CARF: variants seen among roughly 807,000 people sequenced by gnomAD.
CARF encodes calcium-responsive transcription factor.
A neutral mutation model predicts 82.0 loss-of-function variants in CARF; 57 were observed. That is an observed-to-expected ratio of 0.70 (90% CI 0.56 to 0.87). The LOEUF (loss-of-function observed/expected upper bound fraction) is 0.87. CARF is among the 40% of genes least tolerant of loss of function. CARF has a pLI of 0.00. For missense variants in CARF, 771 were observed against 855.8 expected (o/e 0.90, Z 1.24); for synonymous variants, 268 against 290.1 (o/e 0.92, Z 0.77).
chr2:202,961,826 T>C (rs2059334730), intron 9 of CARF: 1 of 255,074 alleles, frequency 3.9e-6, no homozygotes, highest in Non-Finnish European at 7.4e-6. Flanking sequence ...TTATGTAGCT[T>C]GTAACTCTGG....
intron 11 of CARF, among the ~76,000 whole-genome samples, chr2:202,970,630 G>A (rs1467987627): frequency 2.6e-5 from 4 of 151,780 alleles, no homozygotes; most frequent in East Asian, 1.9e-4. Flanking sequence ...TATCGTTTTC[G>A]TGTGATCTTT....
chr2:202,945,240 C>T (rs1271281330), intron 5 of CARF, among the ~76,000 whole-genome samples: 1 of 152,092 alleles, frequency 6.6e-6, no homozygotes, highest in Non-Finnish European at 1.5e-5. Context: ...TGTACCTGCA[C>T]GTGCTACAGT....
At chr2:202,915,518 G>T (rs1452297516) in intron 1 of CARF, among the ~76,000 whole-genome samples, 1 of 152,092 alleles carries the variant, frequency 6.6e-6, no homozygotes, top group Non-Finnish European at 1.5e-5. Flanking sequence ...TCACCAGGCT[G>T]GAGTGCAGTG....
At chr2:202,940,607 T>C (rs1380987348) in intron 3 of CARF, among the ~76,000 whole-genome samples, 5 of 152,128 alleles carry the variant, frequency 3.3e-5, no homozygotes, top group African/African-American at 9.7e-5. Flanking sequence ...GTAGCTGCAT[T>C]TTTTTCTTAC....
intron 14 of CARF, among the ~76,000 whole-genome samples, chr2:202,980,337 T>G (rs2060197204): frequency 6.6e-6 from 1 of 152,036 alleles, no homozygotes; most frequent in Non-Finnish European, 1.5e-5. Flanking sequence ...TGATTCAAAT[T>G]CCCTACAATT....
At chr2:202,973,621 A>G in intron 12 of CARF, 2 of 320,008 alleles carry the variant, frequency 6.2e-6, no homozygotes, top group Non-Finnish European at 1.2e-5. Context: ...TTTCACTTCT[A>G]CAGTCCTTAG....
chr2:202,945,308 T>C (rs1559220965), intron 5 of CARF, among the ~76,000 whole-genome samples: 1 of 152,084 alleles, frequency 6.6e-6, no homozygotes, highest in Non-Finnish European at 1.5e-5. Flanking sequence ...TTTTGTTTTA[T>C]TGTTTTTGTT....
intron 8 of CARF, among the ~76,000 whole-genome samples, chr2:202,958,210 T>C (rs982720096): frequency 6.6e-6 from 1 of 151,212 alleles, no homozygotes; most frequent in African/African-American, 2.4e-5. Flanking sequence ...ATTATTGTTG[T>C]TGCTTTTCTA....
intron 3 of CARF, chr2:202,938,249 A>G (rs1252316384): frequency 6.6e-6 from 1 of 151,382 alleles, no homozygotes; most frequent in Non-Finnish European, 1.5e-5. Context: ...TTTTGTTTTT[A>G]TTTTTTATTA....
At chr2:202,961,116 G>A in intron 8 of CARF, 121 bp from the exon 9 acceptor site, 2 of 764,316 alleles carry the variant, frequency 2.6e-6, no homozygotes, top group Non-Finnish European at 4.2e-6. Context: ...TGATCTGAGG[G>A]CACAAATGAC....
rs950872820 is a variant in CARF at position 202,917,945 on chromosome 2, T to G, written c.-261T>G. ...TGAAGCTACAGCTATCATGATTTAG[T>G]GCCCCCAAAAGGAAGAACTTCAGTG... On this transcript the variant is annotated 5_prime_UTR_variant, in exon 2 of 17. Coordinates refer to ENST00000438828, the MANE Select transcript of CARF (RefSeq NM_024744.17). 1.3e-5 allele frequency: 5 copies of G among 397,960 alleles called. No homozygotes were observed. The Admixed American group carries it at 1.3e-4, about 11-fold the overall frequency. The allele number at this position is 397,960 out of a possible 1,614,324, so 24.7% of individuals were successfully genotyped here.
At chr2:202,928,172 T>C (rs1042984971) in intron 3 of CARF, among the ~76,000 whole-genome samples, 2 of 152,216 alleles carry the variant, frequency 1.3e-5, no homozygotes, top group Non-Finnish European at 2.9e-5. Flanking sequence ...TTCTACTCCC[T>C]ACTTCTATGA....
chr2:202,957,673 G>C (rs750632194), intron 8 of CARF, among the ~76,000 whole-genome samples: 17 of 151,822 alleles, frequency 1.1e-4, no homozygotes, highest in Non-Finnish European at 2.9e-5. Context: ...TACTAGCTTA[G>C]GCCGGGTGCG....
chr2:202,916,058 C>A (rs956672251), intron 1 of CARF, among the ~76,000 whole-genome samples: 1 of 151,960 alleles, frequency 6.6e-6, no homozygotes, highest in Non-Finnish European at 1.5e-5. Context: ...ATTTTTGACA[C>A]CACTGATTCA....
At chr2:202,913,329 A>G (rs1191133951) in intron 1 of CARF, among the ~76,000 whole-genome samples, 1 of 152,218 alleles carries the variant, frequency 6.6e-6, no homozygotes, top group African/African-American at 2.4e-5. Context: ...GGGCCCTGGA[A>G]CCAGAATTCC....
chr2:202,961,735 A>G (rs1045256324), intron 9 of CARF: 1 of 412,520 alleles, frequency 2.4e-6, no homozygotes, highest in African/African-American at 2.1e-5. Flanking sequence ...AAATATGTAC[A>G]TCAGCTGTGT....
At chr2:202,965,479 T>C (rs1328111712) in intron 9 of CARF, among the ~76,000 whole-genome samples, 1 of 152,196 alleles carries the variant, frequency 6.6e-6, no homozygotes, top group African/African-American at 2.4e-5. Context: ...TTTTTCTTTG[T>C]TCATTTACTA....
In CARF at chr2:202,977,312, T is replaced by C. The variant is rs770074567; in HGVS notation, c.1538T>C (p.Met513Thr). 1.9e-5 allele frequency: 31 copies of C among 1,612,452 alleles called. No individual in the cohort carries two copies. The highest frequency in any genetic ancestry group is 2.3e-5 in the Non-Finnish European group (27 of 1,178,906). Residue 513 changes from methionine to threonine, a missense_variant, in exon 14 of 17, where the codon ATG becomes ACG. Met to Thr is a moderately conservative substitution (Grantham distance 81, BLOSUM62 -1). Coordinates refer to ENST00000438828, the MANE Select transcript of CARF (RefSeq NM_024744.17). ...AGTGGGAATATTCTCAAAGAGACCA[T>C]GACAGTTACATTTGCAGAAGGTAGG... Reference protein sequence around the residue: ...TDSGNILKETMTVTFAEGNSP... With the variant: ...TDSGNILKETTTVTFAEGNSP...
chr2:202,935,025 G>A (rs531874605), intron 3 of CARF, among the ~76,000 whole-genome samples: 2 of 147,068 alleles, frequency 1.4e-5, no homozygotes, highest in East Asian at 4.0e-4. Context: ...TGCAGTGAGT[G>A]GAGATTGCGC....
Sources: allele counts gnomAD v4.1 joint callset (sites outside exome capture counted in the v4.1 genomes callset), GRCh38; gene constraint gnomAD v4.1.1; transcripts MANE v1.5; gene names NCBI Gene and HGNC (gene_info 2026-07-23, HGNC 2026-07-21).